The following RALGPS1 variants were observed in gnomAD, a reference collection of about 807,000 sequenced individuals.
RALGPS1 encodes the protein Ral GEF with PH domain and SH3 binding motif 1.
A neutral mutation model predicts 78.8 loss-of-function variants in RALGPS1; 19 were observed. That is an observed-to-expected ratio of 0.24 (90% CI 0.17 to 0.35). RALGPS1 has a LOEUF of 0.35. Among genes scored for constraint, RALGPS1 ranks in the 10% least tolerant of loss-of-function variants. The pLI is 1.00. For synonymous variants in RALGPS1, 228 were observed against 256.3 expected (o/e 0.89, Z 1.06); for missense variants, 454 against 688.3 (o/e 0.66, Z 3.81).
At chr9:127,021,748 G>A (rs1174968436) in intron 4 of RALGPS1, among the ~76,000 whole-genome samples, 2 of 151,704 alleles carry the variant, frequency 1.3e-5, no homozygotes, top group African/African-American at 4.8e-5. Flanking sequence ...ATGAGCATGT[G>A]GCCCTGTGGG....
At chr9:127,161,802 A>G (rs1440044770) in intron 8 of RALGPS1, among the ~76,000 whole-genome samples, 1 of 152,186 alleles carries the variant, frequency 6.6e-6, no homozygotes, top group Non-Finnish European at 1.5e-5. Flanking sequence ...CCCATAGACA[A>G]CCTGGACAGA....
rs117786776 is a variant in RALGPS1, at chr9:127,144,267, G to A, written c.611-21802G>A. On this transcript the variant is annotated intron_variant, in intron 8 of 18. Transcript: ENST00000259351. The stretch of plus-strand genomic sequence containing the variant: ...CCACCCAGCATTAGCTCCTGGACCC[G>A]TAGTACCCCAGCGGTGGCCCTCATG... 5.4e-3 allele frequency among the ~76,000 whole-genome samples: 823 copies of A among 152,284 alleles called. 24 individuals are homozygous for A. The East Asian group carries it at 0.085, about 16-fold the overall frequency.
Position 126,955,700 on chromosome 9 carries a change from C to T in RALGPS1, c.-65-6525C>T, listed in dbSNP as rs140305919. Among the ~76,000 whole-genome samples, 1,050 of 152,282 alleles carry T rather than the reference C, an allele frequency of 6.9e-3. 9 individuals carry two copies. Among genetic ancestry groups the T allele is most frequent in the Non-Finnish European group, 0.012 (805 of 68,020 alleles). The stretch of plus-strand genomic sequence containing the variant: ...ATTTCTATGAGAAGGAGCCCGGAGG[C>T]TTCACCAGACTGCCAGAAGGGTCTA... On this transcript the variant is annotated intron_variant, in intron 1 of 18. Transcript: ENST00000259351.
intron 2 of RALGPS1, among the ~76,000 whole-genome samples, chr9:126,963,767 G>T (rs1230990750): frequency 6.6e-6 from 1 of 152,182 alleles, no homozygotes; most frequent in Non-Finnish European, 1.5e-5. Context: ...CATGTGGGTG[G>T]GGATTCAAAG....
intron 1 of RALGPS1, among the ~76,000 whole-genome samples, chr9:126,956,085 C>T (rs972511333): frequency 3.3e-5 from 5 of 152,180 alleles, no homozygotes; most frequent in Admixed American, 3.3e-4. Context: ...TGTCTACTCC[C>T]GAGGGTGTGG....
chr9:126,950,454 T>A (rs1262792643), intron 1 of RALGPS1, among the ~76,000 whole-genome samples: 4 of 152,220 alleles, frequency 2.6e-5, no homozygotes, highest in Admixed American at 6.5e-5. Flanking sequence ...GAGCATGGAA[T>A]GTTCTTCCAT....
intron 14 of RALGPS1, among the ~76,000 whole-genome samples, chr9:127,207,012 C>T (rs1423643239): frequency 6.6e-6 from 1 of 152,078 alleles, no homozygotes; most frequent in African/African-American, 2.4e-5. Context: ...ATAATAGTGC[C>T]TACCTCACAG....
Position 127,032,871 on chromosome 9 carries a change from A to T in RALGPS1, c.217-1560A>T, listed in dbSNP as rs757451438. ...AAGAAACCAAGTGCAAATATATGTC[A>T]TCAGAACAAGAAGAATCATAGTAAA... On this transcript the variant is annotated intron_variant, in intron 4 of 18. Transcript: ENST00000259351. Among the ~76,000 whole-genome samples, 5 of 152,234 alleles carry T rather than the reference A, an allele frequency of 3.3e-5. 1 individual carries two copies. The highest frequency in any genetic ancestry group is 3.3e-4 in the Admixed American group (5 of 15,282).
At chr9:126,998,469 A>T (rs2042980015) in intron 4 of RALGPS1, among the ~76,000 whole-genome samples, 1 of 152,254 alleles carries the variant, frequency 6.6e-6, no homozygotes, top group South Asian at 2.1e-4. Context: ...ACAATGAGAT[A>T]CCATCCCACA....
intron 8 of RALGPS1, among the ~76,000 whole-genome samples, chr9:127,072,369 C>A (rs151334184): frequency 6.6e-6 from 1 of 152,118 alleles, no homozygotes; most frequent in Non-Finnish European, 1.5e-5. Flanking sequence ...CACGCCACCA[C>A]GTCCAGCTAA....
intron 1 of RALGPS1, among the ~76,000 whole-genome samples, chr9:126,949,656 G>T (rs931077232): frequency 7.1e-5 from 9 of 126,584 alleles, no homozygotes; most frequent in Non-Finnish European, 1.3e-4. Flanking sequence ...TTTTTGATGG[G>T]GTTGTTTGTT....
intron 11 of RALGPS1, chr9:127,177,886 T>C (rs897564170): frequency 3.9e-6 from 6 of 1,549,034 alleles, no homozygotes; most frequent in Non-Finnish European, 5.2e-6. Flanking sequence ...CTTGGCTCTG[T>C]TGTTTATTAG....
chr9:127,120,713 A>G (rs1430540810), intron 8 of RALGPS1, among the ~76,000 whole-genome samples: 1 of 152,096 alleles, frequency 6.6e-6, no homozygotes, highest in Non-Finnish European at 1.5e-5. Context: ...CTGTAGCCCC[A>G]GCTACTCGGG....
chr9:127,069,965 A>T (rs2050049409), intron 8 of RALGPS1: 1 of 152,202 alleles, frequency 6.6e-6, no homozygotes, highest in African/African-American at 2.4e-5. Flanking sequence ...ACTCATTCCC[A>T]TCAGATGGAT....
chr9:126,962,389 C>T, intron 2 of RALGPS1, 43 bp downstream of exon 2: 2 of 1,600,600 alleles, frequency 1.2e-6, no homozygotes, highest in Non-Finnish European at 1.7e-6. Flanking sequence ...AGAGGGGTCT[C>T]CTTTCAGCTA....
chr9:127,166,325 A>C, intron 9 of RALGPS1, 119 bp downstream of exon 9: 1 of 1,161,078 alleles, frequency 8.6e-7, no homozygotes, highest in Non-Finnish European at 1.2e-6. Context: ...TAATATATCG[A>C]GCATCAAACA....
intron 1 of RALGPS1, among the ~76,000 whole-genome samples, chr9:126,930,205 A>G (rs1412627037): frequency 6.7e-6 from 1 of 149,330 alleles, no homozygotes; most frequent in African/African-American, 2.5e-5. Context: ...CCAAAGCCCC[A>G]TTGTTATAAT....
intron 4 of RALGPS1, among the ~76,000 whole-genome samples, chr9:126,992,350 A>G (rs2042351888): frequency 6.6e-6 from 1 of 152,254 alleles, no homozygotes; most frequent in African/African-American, 2.4e-5. Flanking sequence ...CCATCTCAAT[A>G]TAATGAACAT....
At chr9:127,063,402 T>C (rs542625306) in intron 7 of RALGPS1, among the ~76,000 whole-genome samples, 1 of 152,372 alleles carries the variant, frequency 6.6e-6, no homozygotes, top group South Asian at 2.1e-4. Context: ...TCAAAATTAA[T>C]AAGCAGGGAC....
Sources: allele counts gnomAD v4.1 joint callset (sites outside exome capture counted in the v4.1 genomes callset), GRCh38; gene constraint gnomAD v4.1.1; transcripts MANE v1.5; gene names NCBI Gene and HGNC (gene_info 2026-07-23, HGNC 2026-07-21).